TRDN: variants seen among roughly 807,000 people sequenced by gnomAD.
TRDN encodes triadin in skeletal muscle.
Under a neutral mutation model 149.7 loss-of-function variants are expected in TRDN, and 161 were observed. That is an observed-to-expected ratio of 1.08 (90% confidence interval 0.95 to 1.23). TRDN has a LOEUF of 1.23. Among genes scored for constraint, TRDN ranks in the 50% most tolerant of loss-of-function variants. The pLI is 0.00. For synonymous variants in TRDN, 294 were observed against 250.5 expected (o/e 1.17, Z -1.64); for missense variants, 896 against 823.5 (o/e 1.09, Z -1.08).
At chr6:123,602,448 G>A (rs1161472890) in intron 1 of TRDN, among the ~76,000 whole-genome samples, 4 of 151,958 alleles carry the variant, frequency 2.6e-5, no homozygotes, top group South Asian at 2.1e-4. Context: ...AGGGGGGAAC[G>A]AGGGATAAAA....
chr6:123,555,873 G>A (rs1464981747), intron 2 of TRDN, among the ~76,000 whole-genome samples: 1 of 152,108 alleles, frequency 6.6e-6, no homozygotes, highest in East Asian at 1.9e-4. Context: ...ATTGAATCCA[G>A]CTACTGTGCT....
intron 5 of TRDN, 38 bp from the exon 6 acceptor site, chr6:123,516,244 C>A: frequency 1.4e-6 from 2 of 1,436,838 alleles, no homozygotes; most frequent in Non-Finnish European, 9.2e-7. Context: ...ATTTAAATAA[C>A]AGGAATAAAT....
chr6:123,219,759 C>T (rs745626116), intron 40 of TRDN, among the ~76,000 whole-genome samples: 3 of 151,634 alleles, frequency 2.0e-5, no homozygotes, highest in Non-Finnish European at 2.9e-5. Flanking sequence ...ATCTTCAAAC[C>T]GAAGCAATAA....
At chr6:123,279,111 G>C (rs181174576) in intron 24 of TRDN, 29 bp from the exon 25 acceptor site, 48 of 1,576,272 alleles carry the variant, frequency 3.0e-5, no homozygotes, top group Non-Finnish European at 3.7e-5. Flanking sequence ...ATTATTAAAG[G>C]CTGAGTCATA....
chr6:123,597,530 A>T (rs1401993754), intron 1 of TRDN, among the ~76,000 whole-genome samples: 1 of 152,112 alleles, frequency 6.6e-6, no homozygotes, highest in Non-Finnish European at 1.5e-5. Flanking sequence ...ATGCTATCAA[A>T]CAATGTTGCA....
intron 9 of TRDN, among the ~76,000 whole-genome samples, chr6:123,494,396 A>G (rs1293196798): frequency 6.6e-6 from 1 of 152,164 alleles, no homozygotes; most frequent in Non-Finnish European, 1.5e-5. Flanking sequence ...CTATTAAACT[A>G]CTAGCATCCC....
intron 23 of TRDN, among the ~76,000 whole-genome samples, chr6:123,318,121 A>G (rs1370062472): frequency 1.3e-5 from 2 of 152,134 alleles, no homozygotes; most frequent in Admixed American, 6.6e-5. Context: ...TTAGTCTACA[A>G]TACACAATTC....
intron 2 of TRDN, among the ~76,000 whole-genome samples, chr6:123,556,796 A>G (rs968843614): frequency 1.3e-5 from 2 of 152,092 alleles, no homozygotes; most frequent in Non-Finnish European, 2.9e-5. Context: ...CTAAATGTCT[A>G]CGCCCTCACA....
chr6:123,440,479 T>G (rs1160750898), intron 10 of TRDN, among the ~76,000 whole-genome samples: 1 of 152,236 alleles, frequency 6.6e-6, no homozygotes, highest in Non-Finnish European at 1.5e-5. Flanking sequence ...AGAAATTTTA[T>G]GTAGTAGTGA....
intron 12 of TRDN, among the ~76,000 whole-genome samples, chr6:123,400,489 T>G (rs1476632474): frequency 6.6e-6 from 1 of 152,060 alleles, no homozygotes; most frequent in Non-Finnish European, 1.5e-5. Context: ...ATCCCTAGCA[T>G]GAGCAATTGA....
At chr6:123,610,560 G>T (rs940820027) in intron 1 of TRDN, among the ~76,000 whole-genome samples, 1 of 152,124 alleles carries the variant, frequency 6.6e-6, no homozygotes, top group African/African-American at 2.4e-5. Context: ...AAGTGACAGA[G>T]ATATCTATTA....
chr6:123,442,875 G>C (rs115009102), intron 10 of TRDN, among the ~76,000 whole-genome samples: 3 of 152,078 alleles, frequency 2.0e-5, no homozygotes, highest in Non-Finnish European at 4.4e-5. Context: ...ATGTTATGAA[G>C]GGTACTGTAC....
intron 1 of TRDN, among the ~76,000 whole-genome samples, chr6:123,612,727 G>A (rs1455299804): frequency 6.6e-6 from 1 of 152,100 alleles, no homozygotes; most frequent in African/African-American, 2.4e-5. Flanking sequence ...ACATAAGTAT[G>A]GTTAGGCACA....
At chr6:123,589,576 G>C (rs1783682590) in intron 1 of TRDN, among the ~76,000 whole-genome samples, 1 of 152,126 alleles carries the variant, frequency 6.6e-6, no homozygotes, top group Non-Finnish European at 1.5e-5. Flanking sequence ...CTTTCCTAAA[G>C]ATATTTTCAT....
chr6:123,616,825 A>T (rs1467683923), intron 1 of TRDN, among the ~76,000 whole-genome samples: 2 of 152,116 alleles, frequency 1.3e-5, no homozygotes, highest in Admixed American at 1.3e-4. Context: ...ATCTTCTTGT[A>T]TCCCACATTC....
At chr6:123,409,690 T>TACAC (rs5879677) in intron 12 of TRDN, among the ~76,000 whole-genome samples, 69,377 of 149,216 alleles carry the variant, frequency 0.46, 16,186 homozygotes, top group Middle Eastern at 0.56. Flanking sequence ...TAATGTAATT[T>TACAC]ACACACACAC....
chr6:123,227,745 GTTTGTT>G (rs909353796), intron 38 of TRDN, among the ~76,000 whole-genome samples: 55 of 70,078 alleles, frequency 7.8e-4, no homozygotes, highest in Middle Eastern at 5.9e-3. Flanking sequence ...TTGTTTGTTT[GTTTGTT>G]TTTGTTTGTT....
intron 1 of TRDN, among the ~76,000 whole-genome samples, chr6:123,607,397 G>A (rs768239970): frequency 2.0e-5 from 3 of 152,128 alleles, no homozygotes; most frequent in African/African-American, 4.8e-5. Flanking sequence ...AAACTCAGAA[G>A]AAACCTCAAA....
At chr6:123,240,403 A>G (rs1300639437) in intron 38 of TRDN, among the ~76,000 whole-genome samples, 1 of 151,744 alleles carries the variant, frequency 6.6e-6, no homozygotes, top group Non-Finnish European at 1.5e-5. Context: ...TAGAAATGGG[A>G]AGGTCTTTTT....
Sources: gnomAD v4.1 joint callset for allele counts (sites outside exome capture counted in the v4.1 genomes callset) on GRCh38, gnomAD v4.1.1 for gene constraint, MANE v1.5 for transcripts, NCBI Gene and HGNC (gene_info 2026-07-23, HGNC 2026-07-21) for gene names.